Variants in TENM3 observed in about 807,000 individuals in gnomAD.
TENM3 encodes teneurin-3.
In TENM3, 63 loss-of-function variants were observed where a neutral mutation model predicts 255.1. That is an observed-to-expected ratio of 0.25 (90% CI 0.20 to 0.30). The LOEUF is 0.30. TENM3 is among the 10% of genes least tolerant of loss of function. The probability of loss-of-function intolerance (pLI) is 1.00; values close to 1 mark genes in which losing one functional copy is unlikely to be tolerated. For synonymous variants in TENM3, 1,306 were observed against 1,322.3 expected (o/e 0.99, Z 0.27); for missense variants, 2,929 against 3,461.1 (o/e 0.85, Z 3.86).
At chr4:182,289,656 A>G (rs571152376) in intron 1 of TENM3, among the ~76,000 whole-genome samples, 2 of 152,376 alleles carry the variant, frequency 1.3e-5, no homozygotes, top group Admixed American at 6.5e-5. Context: ...ATCAATTTAG[A>G]AAGCAACTCC....
chr4:181,627,836 C>T, the TENM3 span, among the ~76,000 whole-genome samples: 1 of 152,124 alleles, frequency 6.6e-6, no homozygotes, highest in Non-Finnish European at 1.5e-5. Context: ...ATTTATAATC[C>T]TTTGGGTATA....
chr4:182,072,911 G>T, the TENM3 span, among the ~76,000 whole-genome samples: 1 of 152,144 alleles, frequency 6.6e-6, no homozygotes, highest in African/African-American at 2.4e-5. Flanking sequence ...CTTTAGGAAT[G>T]TAATTAAGGT....
chr4:182,073,472 C>T, the TENM3 span, among the ~76,000 whole-genome samples: 1 of 152,162 alleles, frequency 6.6e-6, no homozygotes, highest in Non-Finnish European at 1.5e-5. Context: ...ACCCTGCCAA[C>T]ACCTTGAGTT....
chr4:181,961,415 T>C, the TENM3 span, among the ~76,000 whole-genome samples: 2 of 152,144 alleles, frequency 1.3e-5, no homozygotes, highest in Non-Finnish European at 2.9e-5. Context: ...ATAGTTTTTG[T>C]GGTTTTTTGT....
chr4:181,680,763 C>A, the TENM3 span, among the ~76,000 whole-genome samples: 3 of 152,058 alleles, frequency 2.0e-5, no homozygotes, highest in Non-Finnish European at 4.4e-5. Flanking sequence ...TGCCATTACT[C>A]AAGTCAATCC....
chr4:182,125,693 A>T, the TENM3 span, among the ~76,000 whole-genome samples: 1 of 152,134 alleles, frequency 6.6e-6, no homozygotes, highest in East Asian at 1.9e-4. Context: ...AATAAAATAA[A>T]GAAAGTAAAA....
At chr4:182,362,180 C>G (rs943533360) in intron 3 of TENM3, among the ~76,000 whole-genome samples, 41 of 152,230 alleles carry the variant, frequency 2.7e-4, no homozygotes, top group African/African-American at 9.2e-4. Context: ...CAGGGACCCA[C>G]TTGAGGAGGC....
chr4:182,794,164 A>G (rs971991924), intron 26 of TENM3, among the ~76,000 whole-genome samples: 14 of 152,212 alleles, frequency 9.2e-5, no homozygotes, highest in African/African-American at 3.1e-4. Context: ...ATGGGGGACC[A>G]AAAAACATGA....
At chr4:182,644,465 C>T (rs11722354) in intron 5 of TENM3, among the ~76,000 whole-genome samples, 7,329 of 152,098 alleles carry the variant, frequency 0.048, 276 homozygotes, top group East Asian at 0.2. Context: ...CCAACATATA[C>T]GGGTTAAAAA....
At chr4:182,319,896 T>G (rs1289342541) in intron 1 of TENM3, among the ~76,000 whole-genome samples, 1 of 152,204 alleles carries the variant, frequency 6.6e-6, no homozygotes, top group African/African-American at 2.4e-5. Flanking sequence ...GCAGATCACC[T>G]GACGTCAGGA....
intron 1 of TENM3, among the ~76,000 whole-genome samples, chr4:182,287,823 T>C (rs1429343616): frequency 6.6e-6 from 1 of 152,024 alleles, no homozygotes; most frequent in African/African-American, 2.4e-5. Flanking sequence ...TTCACCATAT[T>C]GGCCAGGCTG....
chr4:182,708,452 C>T (rs1758458549), intron 12 of TENM3, among the ~76,000 whole-genome samples: 1 of 152,128 alleles, frequency 6.6e-6, no homozygotes, highest in African/African-American at 2.4e-5. Context: ...TGTTTGTGAA[C>T]ATATGTGAAT....
the TENM3 span, among the ~76,000 whole-genome samples, chr4:181,890,571 A>T: frequency 1.3e-5 from 2 of 152,282 alleles, no homozygotes; most frequent in Admixed American, 6.5e-5. Flanking sequence ...TTTTAAAAAA[A>T]TTTTTGCACT....
chr4:181,507,989 T>G, the TENM3 span, among the ~76,000 whole-genome samples: 2 of 152,240 alleles, frequency 1.3e-5, no homozygotes, highest in African/African-American at 4.8e-5. Context: ...TTCTGAAGCT[T>G]CCTGGTGAGA....
At chr4:182,481,166 C>T (rs560856048) in intron 3 of TENM3, among the ~76,000 whole-genome samples, 3 of 151,998 alleles carry the variant, frequency 2.0e-5, no homozygotes, top group East Asian at 1.9e-4. Context: ...TATAACAAGT[C>T]GTAAATATAT....
At chr4:181,473,033 A>C in the TENM3 span, among the ~76,000 whole-genome samples, 1 of 152,224 alleles carries the variant, frequency 6.6e-6, no homozygotes, top group African/African-American at 2.4e-5. Flanking sequence ...CACTTCCATC[A>C]GACACAAAAT....
intron 3 of TENM3, among the ~76,000 whole-genome samples, chr4:182,494,449 C>T (rs536392783): frequency 9.2e-5 from 14 of 152,284 alleles, no homozygotes; most frequent in African/African-American, 3.4e-4. Flanking sequence ...TCATCTCTTA[C>T]TGCCTAATTT....
chr4:181,937,889 C>T, the TENM3 span, among the ~76,000 whole-genome samples: 6 of 152,282 alleles, frequency 3.9e-5, 1 homozygote, highest in East Asian at 1.2e-3. Flanking sequence ...GAGACCATGA[C>T]CCCACTTAAG....
chr4:182,047,345 C>T, the TENM3 span, among the ~76,000 whole-genome samples: 13 of 151,996 alleles, frequency 8.6e-5, no homozygotes, highest in East Asian at 1.2e-3. Context: ...GGGTGGATTA[C>T]GAGGTCGGGA....
Sources: allele counts gnomAD v4.1 joint callset (sites outside exome capture counted in the v4.1 genomes callset), GRCh38; gene constraint gnomAD v4.1.1; transcripts MANE v1.5; gene names NCBI Gene and HGNC (gene_info 2026-07-23, HGNC 2026-07-21).